NAALADL2: variants seen among roughly 807,000 people sequenced by gnomAD.
NAALADL2 encodes the protein N-acetylated alpha-linked acidic dipeptidase like 2, also known as inactive N-acetylated-alpha-linked acidic dipeptidase-like protein 2.
NAALADL2 carries 76 observed loss-of-function variants against 87.2 expected under a neutral mutation model. The observed-to-expected ratio is 0.87, with a 90% CI of 0.72 to 1.05. The LOEUF (loss-of-function observed/expected upper bound fraction) is 1.05. Ranked by LOEUF, NAALADL2 falls within the 50% of genes least tolerant of loss-of-function variation. The pLI is 0.00. For synonymous variants in NAALADL2, 354 were observed against 331.0 expected, an observed-to-expected ratio of 1.07 and a Z score of -0.75; for missense variants, 1,089 against 945.8, an observed-to-expected ratio of 1.15 and a Z score of -1.99.
At chr3:175,227,344 A>G (rs185473956) in intron 2 of NAALADL2, among the ~76,000 whole-genome samples, 3 of 152,114 alleles carry the variant, frequency 2.0e-5, no homozygotes, top group Admixed American at 6.6e-5. Context: ...CCATTGGCCA[A>G]TGGAACATTA....
chr3:174,766,106 A>C (rs1313539684), intron 3 of NAALADL2, among the ~76,000 whole-genome samples: 2 of 152,030 alleles, frequency 1.3e-5, no homozygotes, highest in African/African-American at 2.4e-5. Flanking sequence ...AAGGAAAGAG[A>C]CTTCTGCTTT....
At chr3:175,529,381 C>T (rs1393643747) in intron 9 of NAALADL2, among the ~76,000 whole-genome samples, 5 of 152,130 alleles carry the variant, frequency 3.3e-5, no homozygotes, top group Admixed American at 6.5e-5. Flanking sequence ...CCCAGCAGAA[C>T]ATAATGTGGC....
chr3:174,841,515 T>A (rs1405517572), intron 3 of NAALADL2, among the ~76,000 whole-genome samples: 1 of 152,198 alleles, frequency 6.6e-6, no homozygotes, highest in Non-Finnish European at 1.5e-5. Context: ...GAAGCTACCA[T>A]GAAGAAGCTA....
chr3:174,840,540 C>A (rs1315013839), intron 3 of NAALADL2, among the ~76,000 whole-genome samples: 1 of 152,094 alleles, frequency 6.6e-6, no homozygotes, highest in African/African-American at 2.4e-5. Flanking sequence ...TTAGCAGAGG[C>A]ATTTTTGCCT....
chr3:175,012,340 T>C (rs1749943259), intron 1 of NAALADL2, among the ~76,000 whole-genome samples: 1 of 151,936 alleles, frequency 6.6e-6, no homozygotes, highest in South Asian at 2.1e-4. Flanking sequence ...AATATTTTTT[T>C]TATTTTTAGT....
rs2150084899 is a variant in NAALADL2, at chr3:175,737,957, C to T, written c.1990+558C>T. Among the ~76,000 whole-genome samples the T allele has an allele frequency of 1.3e-5, 2 of 151,906 alleles. 1 individual carries two copies. Among genetic ancestry groups the T allele is most frequent in the South Asian group, 4.2e-4 (2 of 4,802 alleles). On this transcript the variant is annotated intron_variant, in intron 12 of 13. Coordinates refer to ENST00000454872, the MANE Select transcript of NAALADL2 (RefSeq NM_207015.3). ...TATATCTCTCTCAGCAGAATTCTGA[C>T]CCCACCCTAATAATTACCTTCATTT...
At chr3:174,509,164 A>C (rs1719417795) in intron 1 of NAALADL2, among the ~76,000 whole-genome samples, 1 of 150,828 alleles carries the variant, frequency 6.6e-6, no homozygotes, top group Admixed American at 6.6e-5. Flanking sequence ...AATATTGAAT[A>C]TATAAGTGGC....
chr3:175,163,048 T>A (rs1231045380), intron 2 of NAALADL2, among the ~76,000 whole-genome samples: 2 of 152,172 alleles, frequency 1.3e-5, no homozygotes, highest in East Asian at 3.9e-4. Context: ...TTTCTCTGAT[T>A]TGATCATCAT....
intron 6 of NAALADL2, among the ~76,000 whole-genome samples, chr3:175,456,479 G>A (rs138759125): frequency 1.3e-5 from 2 of 150,618 alleles, no homozygotes; most frequent in East Asian, 2.0e-4. Context: ...ACACACACAC[G>A]CAGCAATTTT....
intron 2 of NAALADL2, among the ~76,000 whole-genome samples, chr3:174,560,584 G>A (rs980911630): frequency 1.3e-5 from 2 of 152,090 alleles, no homozygotes; most frequent in African/African-American, 2.4e-5. Context: ...CTTTTTGAGA[G>A]CTTAGCTGTG....
At chr3:174,764,231 A>G (rs1173899413) in intron 3 of NAALADL2, among the ~76,000 whole-genome samples, 1 of 152,264 alleles carries the variant, frequency 6.6e-6, no homozygotes, top group East Asian at 1.9e-4. Context: ...CACAGCATGT[A>G]CCTGTACTGC....
chr3:175,187,526 G>A (rs1299157719), intron 2 of NAALADL2, among the ~76,000 whole-genome samples: 2 of 151,810 alleles, frequency 1.3e-5, no homozygotes, highest in Non-Finnish European at 2.9e-5. Flanking sequence ...TTTAATTATG[G>A]CCAACACACT....
chr3:175,433,102 C>G (rs957413171), intron 5 of NAALADL2, among the ~76,000 whole-genome samples: 8 of 152,006 alleles, frequency 5.3e-5, no homozygotes, highest in Non-Finnish European at 8.8e-5. Flanking sequence ...CGTCTCCCAG[C>G]TCTTCTGGTT....
intron 1 of NAALADL2, among the ~76,000 whole-genome samples, chr3:174,493,682 A>G (rs1718346815): frequency 6.6e-6 from 1 of 152,200 alleles, no homozygotes; most frequent in Non-Finnish European, 1.5e-5. Flanking sequence ...AATTCATGTG[A>G]TTGAACCAAT....
At chr3:174,597,262 G>A (rs1718007945) in intron 2 of NAALADL2, among the ~76,000 whole-genome samples, 1 of 152,172 alleles carries the variant, frequency 6.6e-6, no homozygotes, top group South Asian at 2.1e-4. Flanking sequence ...GAGTCTAGTA[G>A]GGAAGCTCGT....
intron 11 of NAALADL2, among the ~76,000 whole-genome samples, chr3:175,677,089 G>A (rs1484182859): frequency 6.6e-6 from 1 of 152,136 alleles, no homozygotes; most frequent in African/African-American, 2.4e-5. Flanking sequence ...GACTGGCTGG[G>A]CATGGTGGTT....
chr3:174,948,136 A>G (rs1382421721), intron 1 of NAALADL2, among the ~76,000 whole-genome samples: 1 of 151,714 alleles, frequency 6.6e-6, no homozygotes, highest in East Asian at 1.9e-4. Context: ...TTACACATAA[A>G]TATATTCATG....
intron 9 of NAALADL2, among the ~76,000 whole-genome samples, chr3:175,479,956 C>T (rs1726221449): frequency 6.6e-6 from 1 of 151,686 alleles, no homozygotes; most frequent in Non-Finnish European, 1.5e-5. Flanking sequence ...GAAGAATTCT[C>T]AGATAGGAAG....
At chr3:174,589,981 CTT>C (rs1560076171) in intron 2 of NAALADL2, among the ~76,000 whole-genome samples, 7 of 151,646 alleles carry the variant, frequency 4.6e-5, no homozygotes, top group Non-Finnish European at 4.4e-5. Flanking sequence ...AGGGCCAAAA[CTT>C]CTTGTTTTAG....
Sources: gnomAD v4.1 joint callset for allele counts (sites outside exome capture counted in the v4.1 genomes callset) on GRCh38, gnomAD v4.1.1 for gene constraint, MANE v1.5 for transcripts, NCBI Gene and HGNC (gene_info 2026-07-23, HGNC 2026-07-21) for gene names.